NETO1: variants seen among roughly 807,000 people sequenced by gnomAD.
NETO1 encodes the protein neuropilin and tolloid like 1, also known as neuropilin and tolloid-like protein 1.
Under a neutral mutation model 61.3 loss-of-function variants are expected in NETO1, and 26 were observed. The ratio of observed to expected loss-of-function variants is 0.42; its 90% CI spans 0.31 to 0.59. NETO1 has a LOEUF of 0.59. Among genes scored for constraint, NETO1 ranks in the 20% least tolerant of loss-of-function variants. NETO1 has a pLI of 0.12. For missense variants in NETO1, 531 were observed against 662.8 expected, an observed-to-expected ratio of 0.80 and a Z score of 2.18; for synonymous variants, 225 against 225.8, an observed-to-expected ratio of 1.00 and a Z score of 0.03.
intron 7 of NETO1, among the ~76,000 whole-genome samples, chr18:72,759,320 T>G (rs555896829): frequency 1.4e-4 from 22 of 152,338 alleles, no homozygotes; most frequent in Middle Eastern, 6.8e-3. Flanking sequence ...AAAACTTAGC[T>G]GTTCCTTAAG....
At chr18:72,857,140 G>A (rs1482504891) in intron 4 of NETO1, among the ~76,000 whole-genome samples, 1 of 152,156 alleles carries the variant, frequency 6.6e-6, no homozygotes. Context: ...TATGCCAAAT[G>A]TAGGTTTCCC....
intron 7 of NETO1, among the ~76,000 whole-genome samples, chr18:72,776,673 C>G (rs1348942951): frequency 6.6e-6 from 1 of 152,114 alleles, no homozygotes; most frequent in Non-Finnish European, 1.5e-5. Flanking sequence ...GCACTCATCT[C>G]ACTTATGAGG....
chr18:72,862,322 T>C (rs1026005419), intron 3 of NETO1, among the ~76,000 whole-genome samples: 1 of 152,186 alleles, frequency 6.6e-6, no homozygotes, highest in African/African-American at 2.4e-5. Context: ...ATAATTTTAT[T>C]CATACTAACA....
At position 72,809,128 on chromosome 18, in the gene NETO1, A is replaced by G. The variant is rs772052970; in HGVS notation, c.470-14724T>C. 3.5e-4 allele frequency among the ~76,000 whole-genome samples: 53 copies of G among 152,330 alleles called. 3 individuals carry two copies. The highest frequency in any genetic ancestry group is 2.0e-4 in the Admixed American group (3 of 15,296). The stretch of plus-strand genomic sequence containing the variant: ...TTCTAGCCATCACTCTGCTCGTCAC[A>G]TCTAGAAAACTCAGCCACCCACTTT... On this transcript the variant is annotated intron_variant, in intron 4 of 10. Coordinates refer to ENST00000327305, the MANE Select transcript of NETO1 (RefSeq NM_138966.5).
At chr18:72,742,381 C>G (rs376382717), downstream of NETO1, 1 of 152,128 alleles carries the variant, frequency 6.6e-6, no homozygotes, top group East Asian at 1.9e-4. Context: ...CATTGTTACT[C>G]TTTATAGATG....
intron 4 of NETO1, among the ~76,000 whole-genome samples, chr18:72,856,137 C>T (rs2074405075): frequency 6.6e-6 from 1 of 152,252 alleles, no homozygotes; most frequent in Admixed American, 6.5e-5. Context: ...AATGTGTTTA[C>T]ATAAAGTTTC....
At chr18:72,781,096 T>C (rs1031000111) in intron 7 of NETO1, among the ~76,000 whole-genome samples, 3 of 152,198 alleles carry the variant, frequency 2.0e-5, no homozygotes, top group African/African-American at 7.2e-5. Flanking sequence ...CTCTATGTTA[T>C]TGATTTTTGA....
At chr18:72,837,934 C>T (rs2073806205) in intron 4 of NETO1, among the ~76,000 whole-genome samples, 1 of 151,738 alleles carries the variant, frequency 6.6e-6, no homozygotes, top group Non-Finnish European at 1.5e-5. Context: ...CTACACAAAA[C>T]ATTCTCCGTC....
At chr18:72,763,082 A>G (rs1340147665) in intron 7 of NETO1, among the ~76,000 whole-genome samples, 4 of 152,110 alleles carry the variant, frequency 2.6e-5, no homozygotes, top group Admixed American at 2.0e-4. Context: ...TTTTTAATTT[A>G]TAATAGCTAC....
At chr18:72,835,214 G>C in intron 4 of NETO1, 1 of 1,443,504 alleles carries the variant, frequency 6.9e-7, no homozygotes, top group South Asian at 1.5e-5. Flanking sequence ...CTTCAAGATG[G>C]TGTTAGATCA....
chr18:72,794,402 G>T lies in NETO1; in HGVS notation c.472C>A (p.Pro158Thr), dbSNP rs750589525. Residue 158 changes from proline (P) to threonine (T), a missense_variant and splice_region_variant, in exon 5 of 11, where the codon CCT becomes ACT. Transcript: ENST00000327305. ...FSARYNFTPD[P>T]DFKDLGALKP... ...AAAGCTCCAAGGTCCTTAAAGTCAG[G>T]ATCTTAAAAATTGAGAAAAAGACAA... The T allele has an allele frequency of 3.7e-6, 6 of 1,609,124 alleles. No homozygotes were observed. The Admixed American group carries it at 8.5e-5, about 23-fold the overall frequency.
intron 7 of NETO1, among the ~76,000 whole-genome samples, chr18:72,774,996 C>A (rs139059238): frequency 6.6e-6 from 1 of 152,194 alleles, no homozygotes; most frequent in Non-Finnish European, 1.5e-5. Context: ...AGGATGAAGT[C>A]TGTATATTAT....
At chr18:72,772,815 CTCTCTCTCTCTATA>C (rs2071408791) in intron 7 of NETO1, among the ~76,000 whole-genome samples, 3 of 53,830 alleles carry the variant, frequency 5.6e-5, no homozygotes, top group East Asian at 7.2e-4. Flanking sequence ...CTCTCTCTCT[CTCTCTCTCTCTATA>C]TATATATATA....
chr18:72,831,014 C>T (rs2073559265), intron 4 of NETO1, among the ~76,000 whole-genome samples: 1 of 152,096 alleles, frequency 6.6e-6, no homozygotes, highest in Admixed American at 6.5e-5. Flanking sequence ...ATGTCTCTTC[C>T]TCTTGGTTTT....
chr18:72,858,635 G>C (rs879865192), intron 4 of NETO1, among the ~76,000 whole-genome samples, 191 bp downstream of exon 4: 1 of 152,102 alleles, frequency 6.6e-6, no homozygotes, highest in Non-Finnish European at 1.5e-5. Context: ...CTCTAGTATA[G>C]GCTGTTTTAA....
At chr18:72,865,916 A>G (rs1011234846) in intron 1 of NETO1, among the ~76,000 whole-genome samples, 5 of 152,236 alleles carry the variant, frequency 3.3e-5, no homozygotes, top group African/African-American at 1.2e-4. Flanking sequence ...AAATCAATAT[A>G]TAGAAATTGA....
Position 72,750,128 on chromosome 18 carries a change from A to G in NETO1, c.1475T>C (p.Ile492Thr), listed in dbSNP as rs374248103. The change falls in exon 9 of 11, where the codon ATA (isoleucine) becomes ACA (threonine). Residue 492 changes from isoleucine to threonine, a missense_variant. By Grantham distance (89) the Ile-to-Thr change is moderately conservative. Coordinates refer to ENST00000327305, the MANE Select transcript of NETO1 (RefSeq NM_138966.5). ...YSQDAADACD[I>T]DEIEEVPTTS... ...GGTCGGCACCTCTTCGATTTCATCT[A>G]TGTCACAGGCATCTGCAGCATCTTG... The G allele has an allele frequency of 6.2e-6, 10 of 1,613,338 alleles. No individual in the cohort carries two copies. Among genetic ancestry groups the G allele is most frequent in the African/African-American group, 4.0e-5 (3 of 74,914 alleles).
chr18:72,801,615 A>T (rs1300077277), intron 4 of NETO1, among the ~76,000 whole-genome samples: 1 of 152,190 alleles, frequency 6.6e-6, no homozygotes, highest in Non-Finnish European at 1.5e-5. Flanking sequence ...ATACAATCCC[A>T]GTAACCCGAT....
intron 3 of NETO1, among the ~76,000 whole-genome samples, chr18:72,864,053 T>C (rs1265104320): frequency 6.6e-6 from 1 of 152,050 alleles, no homozygotes; most frequent in Non-Finnish European, 1.5e-5. Flanking sequence ...GTGCCGTCTC[T>C]ACCAAAAATA....
Sources: gnomAD v4.1 joint callset for allele counts (sites outside exome capture counted in the v4.1 genomes callset) on GRCh38, gnomAD v4.1.1 for gene constraint, MANE v1.5 for transcripts, NCBI Gene and HGNC (gene_info 2026-07-23, HGNC 2026-07-21) for gene names.